Variants in G3BP1 observed in about 807,000 individuals in gnomAD.
G3BP1 encodes the protein ras GTPase-activating protein-binding protein 1.
In G3BP1, 35 loss-of-function variants were observed where a neutral mutation model predicts 58.6. That is an observed-to-expected ratio of 0.60 (90% CI 0.46 to 0.79). G3BP1 has a LOEUF of 0.79. Ranked by LOEUF, G3BP1 falls within the 30% of genes least tolerant of loss-of-function variation. The pLI is 0.00. For missense variants in G3BP1, 523 were observed against 580.8 expected (o/e 0.90, Z 1.02); for synonymous variants, 191 against 195.4 (o/e 0.98, Z 0.19).
intron 1 of G3BP1, among the ~76,000 whole-genome samples, chr5:151,783,481 C>T (rs988657992): frequency 2.0e-5 from 3 of 150,470 alleles, no homozygotes; most frequent in Admixed American, 6.6e-5. Flanking sequence ...AATCTTGGCT[C>T]GCTGCAACCT....
intron 2 of G3BP1, among the ~76,000 whole-genome samples, chr5:151,788,405 CTT>C (rs1762587352): frequency 6.6e-6 from 1 of 151,240 alleles, no homozygotes; most frequent in African/African-American, 2.4e-5. Flanking sequence ...TTTACCCTTT[CTT>C]TCTTTTTTTT....
Position 151,807,906 on chromosome 5 carries a change from T to C in G3BP1, c.*3815T>C, listed in dbSNP as rs1034416008. On this transcript the variant is annotated 3_prime_UTR_variant, in exon 12 of 12. Transcript: ENST00000356245. ...AAAGATGTTTTTTATATTGCAGTTT[T>C]CTTTTTGTGCTACTTAAAGGAATCT... is the stretch of plus-strand genomic sequence containing the variant. 6.6e-6 allele frequency: 1 copy of C among 152,258 alleles called. No individual in the cohort carries two copies. The highest frequency in any genetic ancestry group is 1.5e-5 in the Non-Finnish European group (1 of 68,044). The allele number at this position is 152,258 out of a possible 1,614,324, so 9.4% of individuals were successfully genotyped here.
At chr5:151,776,677 A>G (rs2113214692) in intron 1 of G3BP1, among the ~76,000 whole-genome samples, 1 of 151,598 alleles carries the variant, frequency 6.6e-6, no homozygotes. Context: ...TAGACCACGG[A>G]TATTAATTTT....
intron 1 of G3BP1, among the ~76,000 whole-genome samples, chr5:151,776,046 C>T (rs1762363804): frequency 1.3e-5 from 2 of 152,184 alleles, no homozygotes; most frequent in South Asian, 4.1e-4. Context: ...AGTTTTTCTA[C>T]TAATGTCCTT....
At chr5:151,799,846 G>A (rs1190406577) in intron 8 of G3BP1, 43 bp from the exon 9 acceptor site, 1 of 1,114,992 alleles carries the variant, frequency 9.0e-7, no homozygotes, top group Non-Finnish European at 1.4e-6. Context: ...AAAAGGATAA[G>A]CCTGCTTTGT....
At chr5:151,795,704 T>G in intron 6 of G3BP1, 129 bp downstream of exon 6, 1 of 541,106 alleles carries the variant, frequency 1.8e-6, no homozygotes, top group Non-Finnish European at 3.3e-6. Context: ...AAGAATGGTT[T>G]TGTTTCTGGT....
intron 6 of G3BP1, 55 bp downstream of exon 6, chr5:151,795,630 T>C: frequency 1.2e-6 from 1 of 804,086 alleles, no homozygotes; most frequent in East Asian, 2.5e-5. Flanking sequence ...CATTGTCTAG[T>C]CTTTCCCTTT....
rs149236137 is a variant in G3BP1 at position 151,791,271 on chromosome 5, G to A, written c.351+209G>A. On this transcript the variant is annotated intron_variant, in intron 4 of 11. Coordinates refer to ENST00000356245, the MANE Select transcript of G3BP1 (RefSeq NM_005754.3). ...TTCTTTCTCTAAAATAGTTTAGTGG[G>A]CATTTCCTAAGAATAATTCTCTTCC... 4.8e-4 allele frequency: 202 copies of A among 422,890 alleles called. 2 individuals are homozygous for A. The East Asian group carries it at 7.5e-3, about 16-fold the overall frequency. 26.2% of individuals were successfully genotyped at this position (422,890 alleles called of 1,614,324 possible).
In G3BP1 at chr5:151,804,384, G is replaced by GT; in HGVS notation, c.*293_*294insT. ...TTGCTTACTTTGCATATACAGACTG[G>GT]ATTTTTTTTTTTTTTTTACAGCCAT... On this transcript the variant is annotated 3_prime_UTR_variant, in exon 12 of 12. Transcript: ENST00000356245. 3.6e-6 allele frequency: 1 copy of GT among 276,324 alleles called. No homozygotes were observed. The highest frequency in any genetic ancestry group is 6.2e-5 in the East Asian group (1 of 16,252). 17.1% of individuals were successfully genotyped at this position (276,324 alleles called of 1,614,324 possible).
intron 1 of G3BP1, among the ~76,000 whole-genome samples, chr5:151,782,785 T>G (rs1171099682): frequency 6.6e-6 from 1 of 151,858 alleles, no homozygotes; most frequent in Admixed American, 6.6e-5. Context: ...AATTCATAGA[T>G]TTCATAAAAT....
At chr5:151,796,222 C>T (rs1388687551) in intron 6 of G3BP1, among the ~76,000 whole-genome samples, 1 of 152,146 alleles carries the variant, frequency 6.6e-6, no homozygotes, top group African/African-American at 2.4e-5. Flanking sequence ...GGTCCCACTG[C>T]AAACCTACCG....
At chr5:151,781,474 T>C (rs1762469163) in intron 1 of G3BP1, among the ~76,000 whole-genome samples, 1 of 152,214 alleles carries the variant, frequency 6.6e-6, no homozygotes, top group African/African-American at 2.4e-5. Context: ...CAGTAAAAAG[T>C]GATTTCTCTT....
At chr5:151,798,094 G>C (rs1204215566) in intron 7 of G3BP1, among the ~76,000 whole-genome samples, 2 of 152,220 alleles carry the variant, frequency 1.3e-5, no homozygotes, top group Non-Finnish European at 2.9e-5. Flanking sequence ...TGTTCAAAGT[G>C]TAGGTTTTAT....
chr5:151,798,721 T>C (rs1244443440), intron 7 of G3BP1, among the ~76,000 whole-genome samples: 2 of 152,170 alleles, frequency 1.3e-5, no homozygotes, highest in Non-Finnish European at 2.9e-5. Flanking sequence ...CCCAGCACTT[T>C]GGGAGGCTGA....
At chr5:151,786,750 T>C (rs748326001) in intron 2 of G3BP1, 35 bp downstream of exon 2, 1 of 1,186,578 alleles carries the variant, frequency 8.4e-7, no homozygotes, top group South Asian at 1.2e-5. Context: ...TCTAATGCTG[T>C]CTTTTAGTAT....
intron 2 of G3BP1, among the ~76,000 whole-genome samples, chr5:151,787,956 C>G (rs563332931): frequency 1.3e-3 from 199 of 151,784 alleles, no homozygotes; most frequent in African/African-American, 4.4e-3. Context: ...AGTTAAGTCT[C>G]AGCTGTCTCC....
rs1762821151 is a variant in G3BP1, at chr5:151,799,911, A to C, written c.866A>C (p.Glu289Ala). ...ASQPRPESKP[E>A]SQIPPQRPQR... The stretch of plus-strand genomic sequence containing the variant: ...CAGCCCCGTCCAGAGTCTAAGCCTG[A>C]ATCTCAGATTCCACCACAAAGACCT... Residue 289 changes from glutamate to alanine, a missense_variant, in exon 9 of 12, where the codon GAA becomes GCA. By Grantham distance (107) the Glu-to-Ala change is moderately radical (BLOSUM62 -1). Transcript: ENST00000356245. 9 of 1,611,660 alleles carry C rather than the reference A, an allele frequency of 5.6e-6. No individual in the cohort carries two copies. The Admixed American group carries it at 1.0e-4, about 18-fold the overall frequency.
rs181143980 is a variant in G3BP1 at position 151,805,056 on chromosome 5, A to C, written c.*965A>C. 2.0e-3 allele frequency: 300 copies of C among 152,708 alleles called. No homozygotes were observed. The highest frequency in any genetic ancestry group is 3.1e-3 in the Non-Finnish European group (210 of 68,016). The allele number at this position is 152,708 out of a possible 1,614,324, so 9.5% of individuals were successfully genotyped here. ...ATGCCTTATTCTAAAATTGAGTCTC[A>C]AACTGGAATGCCTTTGAAGACAGAT... On this transcript the variant is annotated 3_prime_UTR_variant, in exon 12 of 12. Transcript: ENST00000356245.
In G3BP1 at chr5:151,795,464, C is replaced by G. The variant is rs1581580427; in HGVS notation, c.443-15C>G. On this transcript the variant is annotated splice_polypyrimidine_tract_variant and intron_variant, in intron 5 of 11. Coordinates refer to ENST00000356245, the MANE Select transcript of G3BP1 (RefSeq NM_005754.3). ...AGTAAGTACAAATTACTTTAAATAT[C>G]TTTTTCTCACTTAGAGTCTGAAGAA... 2 of 1,357,000 alleles carry G rather than the reference C, an allele frequency of 1.5e-6. No homozygotes were observed. Among genetic ancestry groups the G allele is most frequent in the Non-Finnish European group, 2.1e-6 (2 of 955,578 alleles). The allele number at this position is 1,357,000 out of a possible 1,614,324, so 84.1% of individuals were successfully genotyped here.
Sources: allele counts gnomAD v4.1 joint callset (sites outside exome capture counted in the v4.1 genomes callset), GRCh38; gene constraint gnomAD v4.1.1; transcripts MANE v1.5; gene names NCBI Gene and HGNC (gene_info 2026-07-23, HGNC 2026-07-21).